COX10: variants seen among roughly 807,000 people sequenced by gnomAD.
The protein encoded by COX10 is protoheme IX farnesyltransferase, mitochondrial.
COX10 carries 27 observed loss-of-function variants against 37.3 expected under a neutral mutation model. The observed-to-expected ratio is 0.72, with a 90% CI of 0.53 to 1.00. The LOEUF (loss-of-function observed/expected upper bound fraction) is 1.00. Ranked by LOEUF, COX10 falls within the 50% of genes least tolerant of loss-of-function variation. The pLI is 0.00. For missense variants in COX10, 475 were observed against 563.2 expected, an observed-to-expected ratio of 0.84 and a Z score of 1.59; for synonymous variants, 222 against 229.1, an observed-to-expected ratio of 0.97 and a Z score of 0.28.
intron 4 of COX10, among the ~76,000 whole-genome samples, chr17:14,159,403 G>T (rs933200023): frequency 2.0e-5 from 3 of 152,202 alleles, no homozygotes; most frequent in Non-Finnish European, 4.4e-5. Context: ...AGCCTTGAAT[G>T]ACATGGGTTT....
chr17:14,172,271 TACTC>T (rs76615974), intron 5 of COX10, among the ~76,000 whole-genome samples: 17,531 of 152,062 alleles, frequency 0.12, 1,242 homozygotes, highest in Non-Finnish European at 0.17. Flanking sequence ...TTTGGGTAGA[TACTC>T]AGTAGTGGGA....
chr17:14,176,533 G>A (rs1467073399), intron 5 of COX10, among the ~76,000 whole-genome samples: 15 of 152,084 alleles, frequency 9.9e-5, no homozygotes, highest in Non-Finnish European at 2.2e-4. Flanking sequence ...TCTAAATTAG[G>A]CTTTTCTTTT....
At chr17:14,111,321 A>G (rs748575219) in intron 4 of COX10, among the ~76,000 whole-genome samples, 1 of 152,178 alleles carries the variant, frequency 6.6e-6, no homozygotes, top group African/African-American at 2.4e-5. Flanking sequence ...TTCAGATCCT[A>G]TGCCAGATTT....
intron 3 of COX10, among the ~76,000 whole-genome samples, chr17:14,096,947 A>G (rs996445811): frequency 6.6e-5 from 10 of 152,132 alleles, no homozygotes; most frequent in African/African-American, 1.9e-4. Flanking sequence ...ATGGGCTCCC[A>G]GAGTCATTCC....
chr17:14,117,619 T>G (rs1916142188), intron 4 of COX10, among the ~76,000 whole-genome samples: 1 of 152,180 alleles, frequency 6.6e-6, no homozygotes, highest in Non-Finnish European at 1.5e-5. Context: ...AGGGGGAACA[T>G]GCAGACAGGC....
At chr17:14,107,980 A>G (rs892217639) in intron 4 of COX10, among the ~76,000 whole-genome samples, 3 of 152,136 alleles carry the variant, frequency 2.0e-5, no homozygotes, top group Non-Finnish European at 4.4e-5. Context: ...TTTTTCTTTC[A>G]TATGATAATA....
At chr17:14,116,679 G>A (rs1916121135) in intron 4 of COX10, among the ~76,000 whole-genome samples, 1 of 147,376 alleles carries the variant, frequency 6.8e-6, no homozygotes, top group Non-Finnish European at 1.5e-5. Context: ...ACACACACGT[G>A]TTAGCTGTGG....
Position 14,093,968 on chromosome 17 carries a change from G to A in COX10, c.500-8150G>A, listed in dbSNP as rs75890629. Among the ~76,000 whole-genome samples, 832 of 152,270 alleles carry A rather than the reference G, an allele frequency of 5.5e-3. 8 individuals are homozygous for A. Among genetic ancestry groups the A allele is most frequent in the African/African-American group, 0.019 (789 of 41,568 alleles). ...TTTGGGAAGCAGAGTCAGAGGTGGA[G>A]GAATCACTTGAGGCCAGGAGTTGAA... On this transcript the variant is annotated intron_variant, in intron 3 of 6. Transcript: ENST00000261643.
Position 14,194,355 on chromosome 17 carries a change from A to G in COX10, c.928+2134A>G, listed in dbSNP as rs185601657. ...TTCAAAAGTCCTCACTTAAGAGTGC[A>G]CATTCAGACAAGAGCCCTTATTTGT... On this transcript the variant is annotated intron_variant, in intron 6 of 6. Transcript: ENST00000261643. Among the ~76,000 whole-genome samples the G allele has an allele frequency of 2.0e-3, 310 of 152,366 alleles. 4 individuals carry two copies. The highest frequency in any genetic ancestry group is 9.1e-4 in the Non-Finnish European group (62 of 68,034).
At chr17:14,093,865 TC>T (rs1431355097) in intron 3 of COX10, among the ~76,000 whole-genome samples, 1 of 152,202 alleles carries the variant, frequency 6.6e-6, no homozygotes, top group African/African-American at 2.4e-5. Context: ...ATTTTCTTTT[TC>T]TGAAAATGAG....
At chr17:14,144,814 C>CT (rs957282541) in intron 4 of COX10, among the ~76,000 whole-genome samples, 5 of 151,330 alleles carry the variant, frequency 3.3e-5, no homozygotes, top group Non-Finnish European at 5.9e-5. Context: ...TCTTTTTTTT[C>CT]TTTTTCTCTC....
intron 5 of COX10, among the ~76,000 whole-genome samples, chr17:14,162,734 A>G (rs542111415): frequency 6.6e-6 from 1 of 152,134 alleles, no homozygotes; most frequent in Non-Finnish European, 1.5e-5. Flanking sequence ...GAAGCAGTTC[A>G]TATATACTTA....
chr17:14,083,979 A>G (rs988088232), intron 3 of COX10, among the ~76,000 whole-genome samples: 1 of 152,238 alleles, frequency 6.6e-6, no homozygotes, highest in African/African-American at 2.4e-5. Flanking sequence ...TAGATTATTT[A>G]TTGGAACCAA....
chr17:14,163,827 T>C (rs1905221325), intron 5 of COX10, among the ~76,000 whole-genome samples: 1 of 152,194 alleles, frequency 6.6e-6, no homozygotes, highest in African/African-American at 2.4e-5. Context: ...TCTTTTTTAG[T>C]TTTTTTCTTT....
chr17:14,131,109 A>T (rs1325575765), intron 4 of COX10, among the ~76,000 whole-genome samples: 1 of 152,174 alleles, frequency 6.6e-6, no homozygotes, highest in Non-Finnish European at 1.5e-5. Context: ...TATTTAAGTT[A>T]TTTAAATGAA....
intron 4 of COX10, among the ~76,000 whole-genome samples, chr17:14,124,569 G>A (rs1916294886): frequency 6.6e-6 from 1 of 152,084 alleles, no homozygotes; most frequent in Non-Finnish European, 1.5e-5. Context: ...CATGTAATTT[G>A]TTAATGGGCT....
intron 5 of COX10, among the ~76,000 whole-genome samples, chr17:14,175,193 A>C (rs1440858063): frequency 1.2e-5 from 1 of 85,092 alleles, no homozygotes; most frequent in Non-Finnish European, 2.5e-5. Context: ...TGGTTACACT[A>C]TGTTTACCTT....
At chr17:14,088,084 C>G (rs1368463992) in intron 3 of COX10, among the ~76,000 whole-genome samples, 1 of 152,188 alleles carries the variant, frequency 6.6e-6, no homozygotes, top group African/African-American at 2.4e-5. Flanking sequence ...ATGGCTCACC[C>G]TGGCTTCTGT....
intron 5 of COX10, among the ~76,000 whole-genome samples, chr17:14,189,463 T>A (rs1567611131): frequency 6.6e-6 from 1 of 152,236 alleles, no homozygotes; most frequent in Non-Finnish European, 1.5e-5. Context: ...ATAAACTTCT[T>A]GTAAAGCATC....
Sources: allele counts gnomAD v4.1 joint callset (sites outside exome capture counted in the v4.1 genomes callset), GRCh38; gene constraint gnomAD v4.1.1; transcripts MANE v1.5; gene names NCBI Gene and HGNC (gene_info 2026-07-23, HGNC 2026-07-21).